Variants in METTL22 observed in about 807,000 individuals in gnomAD.
METTL22 encodes the protein methyltransferase 22, Kin17 lysine, also known as methyltransferase-like protein 22.
Under a neutral mutation model 48.4 loss-of-function variants are expected in METTL22, and 51 were observed. The ratio of observed to expected loss-of-function variants is 1.05; its 90% CI spans 0.84 to 1.33. The LOEUF (loss-of-function observed/expected upper bound fraction) is 1.33. Among genes scored for constraint, METTL22 ranks in the 40% most tolerant of loss-of-function variants. The pLI is 0.00. For missense variants in METTL22, 678 were observed against 526.9 expected, an observed-to-expected ratio of 1.29 and a Z score of -2.81; for synonymous variants, 255 against 214.1, an observed-to-expected ratio of 1.19 and a Z score of -1.67.
chr16:8,629,237 G>A (rs1008083801), intron 3 of METTL22, 127 bp downstream of exon 3: 17 of 1,228,612 alleles, frequency 1.4e-5, no homozygotes, highest in Middle Eastern at 5.7e-4. Flanking sequence ...GAACCAGCTC[G>A]GGTGAGACTG....
chr16:8,635,004 C>T (rs2056377569), intron 3 of METTL22, 35 bp from the exon 4 acceptor site: 2 of 1,612,544 alleles, frequency 1.2e-6, no homozygotes, highest in South Asian at 2.2e-5. Context: ...CCCCATTTCA[C>T]AGTGGGCATT....
intron 2 of METTL22, 23 bp from the exon 3 acceptor site, chr16:8,628,707 T>A: frequency 1.2e-5 from 19 of 1,567,120 alleles, no homozygotes; most frequent in Non-Finnish European, 1.6e-5. Context: ...AATTCTCATT[T>A]TGCGTTCTGT....
chr16:8,641,160 TG>T lies in METTL22; in HGVS notation c.804del (p.Trp268CysfsTer2). ...GGIVRVKELD[W>X]LKDDLCTDPK... is the part of the protein sequence containing the mutation. ...TATAGTTAGGGTCAAAGAACTGGAC[TG>T]GCTGAAGGACGACCTCTGCACAGGT... On this transcript the variant is annotated frameshift_variant, in exon 7 of 11. Coordinates refer to ENST00000381920, the MANE Select transcript of METTL22 (RefSeq NM_024109.4). LOFTEE classifies it high-confidence loss of function. 1 of 1,614,060 alleles carries T rather than the reference TG, an allele frequency of 6.2e-7. No homozygotes were observed. The highest frequency in any genetic ancestry group is 8.5e-7 in the Non-Finnish European group (1 of 1,179,996).
intron 5 of METTL22, among the ~76,000 whole-genome samples, chr16:8,638,024 A>G (rs2056475059): frequency 1.3e-5 from 2 of 151,376 alleles, no homozygotes; most frequent in African/African-American, 4.9e-5. Flanking sequence ...GCGTGTGCCT[A>G]TAATCCCAGC....
the METTL22 span, among the ~76,000 whole-genome samples, chr16:8,659,901 T>G: frequency 6.6e-6 from 1 of 152,014 alleles, no homozygotes; most frequent in Admixed American, 6.6e-5. Flanking sequence ...ATTTTTTGTA[T>G]TTCTTGTAGA....
the METTL22 span, among the ~76,000 whole-genome samples, chr16:8,662,456 A>G: frequency 6.9e-6 from 1 of 144,418 alleles, no homozygotes; most frequent in African/African-American, 2.6e-5. Context: ...ACATGATGAC[A>G]GTCTTATTCT....
At chr16:8,665,711 G>A in the METTL22 span, among the ~76,000 whole-genome samples, 1 of 152,268 alleles carries the variant, frequency 6.6e-6, no homozygotes, top group East Asian at 1.9e-4. Context: ...TGTGCCAGAC[G>A]CTGTGCTGAA....
chr16:8,657,774 G>A, the METTL22 span, among the ~76,000 whole-genome samples: 6 of 151,332 alleles, frequency 4.0e-5, no homozygotes, highest in Admixed American at 6.6e-5. Context: ...GATTTAGGGC[G>A]GGTCCTAAAT....
chr16:8,625,869 G>A, intron 2 of METTL22, 71 bp downstream of exon 2: 1 of 1,570,206 alleles, frequency 6.4e-7, no homozygotes, highest in Non-Finnish European at 8.7e-7. Flanking sequence ...ATCTTTTTGG[G>A]GAAAATATTG....
At chr16:8,641,829 G>T (rs895448407) in intron 7 of METTL22, 3 of 520,598 alleles carry the variant, frequency 5.8e-6, no homozygotes, top group Non-Finnish European at 6.9e-6. Flanking sequence ...CAGGCAGAAG[G>T]GGGAGATCAT....
intron 5 of METTL22, among the ~76,000 whole-genome samples, chr16:8,637,277 A>G (rs745913160): frequency 4.6e-5 from 7 of 152,224 alleles, no homozygotes; most frequent in Non-Finnish European, 8.8e-5. Context: ...ACCACTGGTC[A>G]GGAGTCTGCA....
chr16:8,642,760 C>G, intron 9 of METTL22, 195 bp downstream of exon 9: 1 of 622,182 alleles, frequency 1.6e-6, no homozygotes, highest in East Asian at 2.8e-5. Context: ...TGTGTGCAGG[C>G]GCTGCTGTCC....
At chr16:8,658,546 A>G in the METTL22 span, among the ~76,000 whole-genome samples, 23 of 152,344 alleles carry the variant, frequency 1.5e-4, no homozygotes, top group African/African-American at 4.3e-4. Context: ...CCTCGGCTCC[A>G]GAAGAGCTAG....
chr16:8,626,312 T>C (rs1207422718), intron 2 of METTL22, among the ~76,000 whole-genome samples: 1 of 152,136 alleles, frequency 6.6e-6, no homozygotes, highest in Non-Finnish European at 1.5e-5. Flanking sequence ...TCCTGTGGTT[T>C]CCTGAGCACC....
At chr16:8,659,065 T>C in the METTL22 span, among the ~76,000 whole-genome samples, 1 of 152,010 alleles carries the variant, frequency 6.6e-6, no homozygotes, top group South Asian at 2.1e-4. Context: ...GCACGCTGGC[T>C]CACACCTGTA....
downstream of METTL22, among the ~76,000 whole-genome samples, chr16:8,653,312 T>G (rs1474597883): frequency 1.3e-5 from 2 of 152,228 alleles, no homozygotes; most frequent in African/African-American, 4.8e-5. Context: ...AACTGGAATT[T>G]TAGGGGGCAA....
At chr16:8,653,223 T>C (rs2056923965), downstream of METTL22, among the ~76,000 whole-genome samples, 1 of 152,222 alleles carries the variant, frequency 6.6e-6, no homozygotes, top group Admixed American at 6.5e-5. Flanking sequence ...ATAAACAGAC[T>C]GATGAATCAC....
At chr16:8,635,425 T>TACGGCAACCACCGAGA in intron 5 of METTL22, 113 bp downstream of exon 5, 1 of 1,335,042 alleles carries the variant, frequency 7.5e-7, no homozygotes, top group Non-Finnish European at 9.9e-7. Context: ...CTGTTGTTGA[T>TACGGCAACCACCGAGA]TTTGCCATCC....
At chr16:8,622,580 A>T (rs1333464484) in intron 1 of METTL22, among the ~76,000 whole-genome samples, 1 of 152,210 alleles carries the variant, frequency 6.6e-6, no homozygotes, top group Non-Finnish European at 1.5e-5. Context: ...ACTTTTCCTG[A>T]CTAGAGAAAC....
Sources: gnomAD v4.1 joint callset for allele counts (sites outside exome capture counted in the v4.1 genomes callset) on GRCh38, gnomAD v4.1.1 for gene constraint, MANE v1.5 for transcripts, NCBI Gene and HGNC (gene_info 2026-07-23, HGNC 2026-07-21) for gene names.